Variants in SELENOO observed in about 807,000 individuals in gnomAD.
SELENOO encodes the protein selenoprotein O, also known as protein adenylyltransferase SelO, mitochondrial.
SELENOO carries 74 observed loss-of-function variants against 58.7 expected under a neutral mutation model. The observed-to-expected ratio is 1.26, with a 90% CI of 1.04 to 1.53. SELENOO has a LOEUF of 1.53. Among genes scored for constraint, SELENOO ranks in the 40% most tolerant of loss-of-function variants. SELENOO has a pLI of 0.00. For missense variants in SELENOO, 1,149 were observed against 970.0 expected (o/e 1.18, Z -2.45); for synonymous variants, 543 against 453.2 (o/e 1.20, Z -2.52).
rs2064333055 is a variant in SELENOO, at chr22:50,206,396, C to G, written c.634C>G (p.Pro212Ala). The G allele has an allele frequency of 1.2e-6, 2 of 1,614,174 alleles. No individual in the cohort carries two copies. The highest frequency in any genetic ancestry group is 1.7e-6 in the Non-Finnish European group (2 of 1,180,044). Residue 212 changes from proline (P) to alanine (A), a missense_variant, in exon 2 of 9, where the codon CCC becomes GCC. Physicochemically the swap from Pro to Ala is conservative, Grantham distance 27 (BLOSUM62 -1). Coordinates refer to ENST00000380903, the MANE Select transcript of SELENOO (RefSeq NM_031454.2). Reference sequence around the variant, plus strand: ...CGAAGCCATGTTCCACCTGGGAGTCCCCACCACACGGGCCGGCGCCTGCGT... The same window carrying G: ...CGAAGCCATGTTCCACCTGGGAGTCGCCACCACACGGGCCGGCGCCTGCGT... ...CSEAMFHLGVPTTRAGACVTS... is the reference protein window; with the variant it reads ...CSEAMFHLGVATTRAGACVTS...
Position 50,201,398 on chromosome 22 carries a change from C to G in SELENOO, c.362C>G (p.Ala121Gly). Residue 121 changes from alanine to glycine, a missense_variant, in exon 1 of 9, where the codon GCG becomes GGG. By Grantham distance (60) the Ala-to-Gly change is moderately conservative. Coordinates refer to ENST00000380903, the MANE Select transcript of SELENOO (RefSeq NM_031454.2). ...GCGCGCGAGGCCGAGGCCGAGGCCG[C>G]GCTGTTCTTCAGCGGCAACGCGCTC... is the stretch of plus-strand genomic sequence containing the variant. The part of the protein sequence containing the change: ...PPAREAEAEA[A>G]LFFSGNALLP... 3 of 1,314,258 alleles carry G rather than the reference C, an allele frequency of 2.3e-6. No homozygotes were observed. The highest frequency in any genetic ancestry group is 2.9e-6 in the Non-Finnish European group (3 of 1,027,732). The allele number at this position is 1,314,258 out of a possible 1,614,324, so 81.4% of individuals were successfully genotyped here.
chr22:50,210,122 C>T (rs537226336), intron 3 of SELENOO, 59 bp from the exon 4 acceptor site: 19 of 1,577,016 alleles, frequency 1.2e-5, no homozygotes, highest in South Asian at 5.7e-5. Flanking sequence ...AGGATGGACA[C>T]GAGTGGGGAG....
Position 50,208,717 on chromosome 22 carries a change from G to T in SELENOO, c.939+1G>T, listed in dbSNP as rs2064348896. On this transcript the variant is annotated splice_donor_variant, in intron 3 of 8. Transcript: ENST00000380903. LOFTEE classifies it high-confidence loss of function. ...GAGAAATGCTGCCTTCTTCCGGGAG[G>T]TCAGTGGGCCGCACGCCACCCCTCC... The T allele has an allele frequency of 6.2e-7, 1 of 1,610,800 alleles. No homozygotes were observed.
chr22:50,216,762 G>A lies in SELENOO; in HGVS notation c.1574G>A (p.Gly525Asp), dbSNP rs1393893922. The A allele has an allele frequency of 1.2e-6, 2 of 1,608,062 alleles. No individual in the cohort carries two copies. The highest frequency in any genetic ancestry group is 1.7e-5 in the Admixed American group (1 of 59,878). The change falls in exon 7 of 9, where the codon GGC becomes GAC. Residue 525 changes from glycine (G) to aspartate (D), a missense_variant. By Grantham distance (94) the Gly-to-Asp change is moderately conservative. Transcript: ENST00000380903. Reference protein sequence around the residue: ...QLFALMGTRAGIARELERVEQ... With the variant: ...QLFALMGTRADIARELERVEQ... ...TTCGCGCTTATGGGCACCCGGGCAGGCATCGCCAGGGAGCTGGAGCGTGTG... is the reference window on the plus strand; with the variant it reads ...TTCGCGCTTATGGGCACCCGGGCAGACATCGCCAGGGAGCTGGAGCGTGTG...
At chr22:50,204,564 T>C (rs1602487814) in intron 1 of SELENOO, among the ~76,000 whole-genome samples, 1 of 151,572 alleles carries the variant, frequency 6.6e-6, no homozygotes, top group Non-Finnish European at 1.5e-5. Flanking sequence ...GAGGCGGAGG[T>C]TGCAGTGAGC....
chr22:50,201,566 G>A lies in SELENOO; in HGVS notation c.530G>A (p.Gly177Asp). Residue 177 changes from glycine to aspartate, a missense_variant, in exon 1 of 9, where the codon GGC becomes GAC. Gly to Asp is a moderately conservative substitution (Grantham distance 94). Coordinates refer to ENST00000380903, the MANE Select transcript of SELENOO (RefSeq NM_031454.2). ...GAGCGCTGGGAGCTGCAGCTCAAGGGCGCCGGGCCCACGCCCTTCTCCAGG... is the reference window on the plus strand; with the variant it reads ...GAGCGCTGGGAGCTGCAGCTCAAGGACGCCGGGCCCACGCCCTTCTCCAGG... ...TGERWELQLKGAGPTPFSRQA... is the reference protein window; with the variant it reads ...TGERWELQLKDAGPTPFSRQA... 7.3e-7 allele frequency: 1 copy of A among 1,361,190 alleles called. No homozygotes were observed. The highest frequency in any genetic ancestry group is 1.6e-5 in the South Asian group (1 of 62,230). The allele number at this position is 1,361,190 out of a possible 1,614,324, so 84.3% of individuals were successfully genotyped here. A position where few individuals can be genotyped will look rare whatever the true frequency, so the allele number is the denominator to read the frequency against.
chr22:50,201,394 G>T lies in SELENOO; in HGVS notation c.358G>T (p.Ala120Ser). The T allele has an allele frequency of 7.7e-7, 1 of 1,299,234 alleles. No homozygotes were observed. Among genetic ancestry groups the T allele is most frequent in the Non-Finnish European group, 9.8e-7 (1 of 1,020,246 alleles). The allele number at this position is 1,299,234 out of a possible 1,614,324, so 80.5% of individuals were successfully genotyped here. Residue 120 changes from alanine to serine, a missense_variant, in exon 1 of 9, where the codon GCC (alanine) becomes TCC (serine). Physicochemically the swap from Ala to Ser is moderately conservative, Grantham distance 99 (BLOSUM62 1). Coordinates refer to ENST00000380903, the MANE Select transcript of SELENOO (RefSeq NM_031454.2). ...APPAREAEAE[A>S]ALFFSGNALL... is the part of the protein sequence containing the mutation. Reference sequence around the variant, plus strand: ...GCCCGCGCGCGAGGCCGAGGCCGAGGCCGCGCTGTTCTTCAGCGGCAACGC... The same window carrying T: ...GCCCGCGCGCGAGGCCGAGGCCGAGTCCGCGCTGTTCTTCAGCGGCAACGC...
intron 5 of SELENOO, 38 bp from the exon 6 acceptor site, chr22:50,215,679 C>T (rs1398433461): frequency 6.6e-7 from 1 of 1,523,860 alleles, no homozygotes; most frequent in Admixed American, 1.8e-5. Context: ...GGACCCTGGG[C>T]CTTCTGCTTC....
Position 50,215,804 on chromosome 22 carries a change from T to C in SELENOO, c.1439T>C (p.Leu480Pro), listed in dbSNP as rs374287879. 6.2e-7 allele frequency: 1 copy of C among 1,612,870 alleles called. No individual in the cohort carries two copies. The highest frequency in any genetic ancestry group is 1.3e-5 in the African/African-American group (1 of 75,040). ...GGCCTGGCGGAATTCCTGGCCAGGC[T>C]GATGGAGCAGTGTGCCTCCCTGGAG... The part of the protein sequence containing the change: ...SPGLAEFLAR[L>P]MEQCASLEEL... Residue 480 changes from leucine (L) to proline (P), a missense_variant, in exon 6 of 9, where the codon CTG (leucine) becomes CCG (proline). Physicochemically the swap from Leu to Pro is moderately conservative, Grantham distance 98 (BLOSUM62 -3). Transcript: ENST00000380903.
At chr22:50,206,920 G>C (rs1194767153) in intron 2 of SELENOO, among the ~76,000 whole-genome samples, 1 of 152,192 alleles carries the variant, frequency 6.6e-6, no homozygotes, top group African/African-American at 2.4e-5. Context: ...TGAGCCTGAG[G>C]CTGGGGACAG....
At chr22:50,201,816 G>A (rs2064303725) in intron 1 of SELENOO, among the ~76,000 whole-genome samples, 1 of 152,246 alleles carries the variant, frequency 6.6e-6, no homozygotes, top group Admixed American at 6.5e-5. Flanking sequence ...ACCGACGTTC[G>A]CTGGGGCTCC....
chr22:50,215,993 G>A (rs544374415), intron 6 of SELENOO, 126 bp downstream of exon 6: 5 of 777,566 alleles, frequency 6.4e-6, no homozygotes, highest in Admixed American at 5.6e-5. Context: ...CGCTCCCAGG[G>A]ACAGATTCAG....
intron 1 of SELENOO, 60 bp downstream of exon 1, chr22:50,201,650 C>A (rs1377720238): frequency 1.7e-6 from 2 of 1,170,844 alleles, no homozygotes; most frequent in Non-Finnish European, 1.1e-6. Context: ...CCCCTTCCCT[C>A]CGCCCGGCGC....
chr22:50,202,337 C>T (rs1213274816), intron 1 of SELENOO, among the ~76,000 whole-genome samples: 2 of 152,128 alleles, frequency 1.3e-5, no homozygotes, highest in African/African-American at 4.8e-5. Context: ...GCATCCCTTC[C>T]CCGGGGCTCC....
chr22:50,202,566 T>C (rs1200255764), intron 1 of SELENOO, among the ~76,000 whole-genome samples: 2 of 145,458 alleles, frequency 1.4e-5, no homozygotes, highest in Non-Finnish European at 3.0e-5. Context: ...CCTGTGAGCA[T>C]TTTTTTTTTT....
chr22:50,212,871 G>T (rs375393828), intron 5 of SELENOO, among the ~76,000 whole-genome samples: 1 of 151,604 alleles, frequency 6.6e-6, no homozygotes, highest in South Asian at 2.1e-4. Flanking sequence ...TAATCTTCGT[G>T]TAAGTGGAGT....
chr22:50,207,332 C>G (rs939252446), intron 2 of SELENOO, among the ~76,000 whole-genome samples: 8 of 152,064 alleles, frequency 5.3e-5, no homozygotes, highest in Admixed American at 1.3e-4. Context: ...CCATGTTGGC[C>G]AGGCTGGTCT....
chr22:50,217,516 A>AGAGACGG lies in SELENOO; in HGVS notation c.*148_*149insAGACGGG, dbSNP rs2064432121. The AGAGACGG allele has an allele frequency of 7.1e-6, 8 of 1,119,678 alleles. No homozygotes were observed. In the Admixed American group the frequency reaches 2.2e-4, roughly 31 times the overall value. The allele number at this position is 1,119,678 out of a possible 1,614,324, so 69.4% of individuals were successfully genotyped here. A position where few individuals can be genotyped will look rare whatever the true frequency, so the allele number is the denominator to read the frequency against. On this transcript the variant is annotated 3_prime_UTR_variant, in exon 9 of 9. Coordinates refer to ENST00000380903, the MANE Select transcript of SELENOO (RefSeq NM_031454.2). ...TCTTTCCATGATGGCAGAGACATCC[A>AGAGACGG]GTCAGGACCTGACCCGTCTCTGTCT...
In SELENOO at chr22:50,217,350, GCGTGA is replaced by G. The variant is rs1365889646; in HGVS notation, c.1993_1997del (p.Val665MetfsTer23). The G allele has an allele frequency of 1.5e-5, 24 of 1,612,778 alleles. No homozygotes were observed. The highest frequency in any genetic ancestry group is 1.8e-5 in the Non-Finnish European group (21 of 1,179,948). ...CCCCCGCTCTGGGCAGCAGAACTGT[GCGTGA>G]CATGATCTTCGTAACGGCCTCGGCA... On this transcript the variant is annotated frameshift_variant, in exon 9 of 9. Transcript: ENST00000380903. LOFTEE classifies it high-confidence loss of function.
Sources: allele counts gnomAD v4.1 joint callset (sites outside exome capture counted in the v4.1 genomes callset), GRCh38; gene constraint gnomAD v4.1.1; transcripts MANE v1.5; gene names NCBI Gene and HGNC (gene_info 2026-07-23, HGNC 2026-07-21).